CMTR2: variants seen among roughly 807,000 people sequenced by gnomAD.
The protein encoded by CMTR2 is cap-specific mRNA (nucleoside-2'-O-)-methyltransferase 2.
In CMTR2, 40 loss-of-function variants were observed where a neutral mutation model predicts 49.8. The observed-to-expected ratio is 0.80, with a 90% CI of 0.62 to 1.04. The LOEUF is 1.04. CMTR2 is among the 50% of genes least tolerant of loss of function. The probability of loss-of-function intolerance (pLI) is 0.00; values close to 1 mark genes in which losing one functional copy is unlikely to be tolerated. For synonymous variants in CMTR2, 326 were observed against 315.8 expected (o/e 1.03, Z -0.34); for missense variants, 907 against 897.2 (o/e 1.01, Z -0.14).
rs2041620230 is a variant in CMTR2 at position 71,282,015 on chromosome 16, T to C, written c.*1593A>G. 1 of 151,596 alleles carries C rather than the reference T, an allele frequency of 6.6e-6. No individual in the cohort carries two copies. 9.4% of individuals were successfully genotyped at this position (151,596 alleles called of 1,614,324 possible). A position where few individuals can be genotyped will look rare whatever the true frequency, so the allele number is the denominator to read the frequency against. On this transcript the variant is annotated 3_prime_UTR_variant, in exon 3 of 3. Transcript: ENST00000434935. ...TGTCAGACTTCCATCGTCATACAACTGGAATTGCTTCCATAGAGTCACCAG... is the reference window on the plus strand; with the variant it reads ...TGTCAGACTTCCATCGTCATACAACCGGAATTGCTTCCATAGAGTCACCAG...
rs1267084588 is a variant in CMTR2, at chr16:71,285,843, A to C, written c.78T>G (p.Ile26Met). The C allele has an allele frequency of 6.2e-7, 1 of 1,613,978 alleles. No individual in the cohort carries two copies. Among genetic ancestry groups the C allele is most frequent in the Middle Eastern group, 1.7e-4 (1 of 6,060 alleles). The change falls in exon 3 of 3, where the codon ATT (isoleucine) becomes ATG (methionine). Residue 26 changes from isoleucine (I) to methionine (M), a missense_variant. Transcript: ENST00000434935. ...ASFSPDILADIFELFAKNFSY... is the reference protein window; with the variant it reads ...ASFSPDILADMFELFAKNFSY... ...AAAAGTTCTTGGCAAAGAGTTCAAAAATGTCAGCAAGAATATCTGGGCTGA... is the reference window on the plus strand; with the variant it reads ...AAAAGTTCTTGGCAAAGAGTTCAAACATGTCAGCAAGAATATCTGGGCTGA...
chr16:71,285,090 A>T lies in CMTR2; in HGVS notation c.831T>A (p.Phe277Leu), dbSNP rs775909576. 48 of 1,613,902 alleles carry T rather than the reference A, an allele frequency of 3.0e-5. No individual in the cohort carries two copies. The highest frequency in any genetic ancestry group is 3.8e-5 in the Non-Finnish European group (45 of 1,179,858). ...GNGGSFVLKM[F>L]TMFEHCSINL... ...TTATGGAACAATGTTCAAACATAGT[A>T]AACATCTTTAGAACAAAAGAGCCAC... The change falls in exon 3 of 3, where the codon TTT becomes TTA. Residue 277 changes from phenylalanine (F) to leucine (L), a missense_variant. Transcript: ENST00000434935.
Position 71,282,418 on chromosome 16 carries a change from C to T in CMTR2, c.*1190G>A, listed in dbSNP as rs2041625607. On this transcript the variant is annotated 3_prime_UTR_variant, in exon 3 of 3. Coordinates refer to ENST00000434935, the MANE Select transcript of CMTR2 (RefSeq NM_018348.6). ...GCATCAGAAAATACATCTATTTTCACATATCAAAAGTGCCTAAAATGCATG... is the reference window on the plus strand; with the variant it reads ...GCATCAGAAAATACATCTATTTTCATATATCAAAAGTGCCTAAAATGCATG... 6.6e-6 allele frequency: 1 copy of T among 151,986 alleles called. No individual in the cohort carries two copies. Among genetic ancestry groups the T allele is most frequent in the Admixed American group, 6.6e-5 (1 of 15,264 alleles). 9.4% of individuals were successfully genotyped at this position (151,986 alleles called of 1,614,324 possible).
chr16:71,284,258 T>A lies in CMTR2; in HGVS notation c.1663A>T (p.Ile555Leu), dbSNP rs1467627384. ...GTAAGGCTACACAACTCGGAAAATA[T>A]CAGTTCTTCAGAAAAAACATGACAA... ...CSCHVFSEELIFSELCSLTEC... is the reference protein window; with the variant it reads ...CSCHVFSEELLFSELCSLTEC... Residue 555 changes from isoleucine to leucine, a missense_variant, in exon 3 of 3, where the codon ATA becomes TTA. By Grantham distance (5) the Ile-to-Leu change is conservative (BLOSUM62 2). Transcript: ENST00000434935. 6.8e-6 allele frequency: 11 copies of A among 1,613,930 alleles called. No homozygotes were observed. Among genetic ancestry groups the A allele is most frequent in the Non-Finnish European group, 8.5e-6 (10 of 1,179,974 alleles).
chr16:71,284,039 C>T lies in CMTR2; in HGVS notation c.1882G>A (p.Asp628Asn), dbSNP rs1476789627. Residue 628 changes from aspartate (D) to asparagine (N), a missense_variant, in exon 3 of 3, where the codon GAC becomes AAC. By Grantham distance (23) the Asp-to-Asn change is conservative. Transcript: ENST00000434935. ...GDPTYQRLFL[D>N]CLLHSLRELH... is the part of the protein sequence containing the mutation. Reference sequence around the variant, plus strand: ...TCCCGCAATGAATGTAGAAGGCAGTCCAAAAATAAACGCTGGTAAGTTGGA... The same window carrying T: ...TCCCGCAATGAATGTAGAAGGCAGTTCAAAAATAAACGCTGGTAAGTTGGA... 6 of 1,613,952 alleles carry T rather than the reference C, an allele frequency of 3.7e-6. No homozygotes were observed. Among genetic ancestry groups the T allele is most frequent in the Non-Finnish European group, 5.1e-6 (6 of 1,179,894 alleles).
chr16:71,284,788 T>C lies in CMTR2; in HGVS notation c.1133A>G (p.Asn378Ser). 1 of 1,613,840 alleles carries C rather than the reference T, an allele frequency of 6.2e-7. No individual in the cohort carries two copies. Residue 378 changes from asparagine (N) to serine (S), a missense_variant, in exon 3 of 3, where the codon AAC (asparagine) becomes AGC (serine). By Grantham distance (46) the Asn-to-Ser change is conservative. Transcript: ENST00000434935. ...HKYQLETISE[N>S]IRLFECMGKA... ...TCCCATGCACTCAAATAGACGAATG[T>C]TTTCAGAAATAGTCTCTAGCTGATA...
At chr16:71,287,513 C>T (rs1156236895) in intron 2 of CMTR2, 2 of 152,168 alleles carry the variant, frequency 1.3e-5, no homozygotes, top group Admixed American at 6.5e-5. Context: ...TCCCTGCAGC[C>T]TTGACCTCTT....
rs1220949607 is a variant in CMTR2 at position 71,284,417 on chromosome 16, G to A, written c.1504C>T (p.Leu502=). Residue 502 remains leucine, a synonymous_variant, in exon 3 of 3, where the codon CTG becomes TTG. Coordinates refer to ENST00000434935, the MANE Select transcript of CMTR2 (RefSeq NM_018348.6). ...HLWHILEGKK[L]PKVKCSPFCN... Reference sequence around the variant, plus strand: ...AAAGGAGAACATTTTACCTTTGGCAGTTTCTTTCCCTCCAAAATATGCCAT... The same window carrying A: ...AAAGGAGAACATTTTACCTTTGGCAATTTCTTTCCCTCCAAAATATGCCAT... 1 of 1,613,788 alleles carries A rather than the reference G, an allele frequency of 6.2e-7. No individual in the cohort carries two copies. Among genetic ancestry groups the A allele is most frequent in the South Asian group, 1.1e-5 (1 of 91,054 alleles).
chr16:71,282,235 T>C lies in CMTR2; in HGVS notation c.*1373A>G, dbSNP rs1297930367. On this transcript the variant is annotated 3_prime_UTR_variant, in exon 3 of 3. Coordinates refer to ENST00000434935, the MANE Select transcript of CMTR2 (RefSeq NM_018348.6). ...TATCATTCAAAACTCCCTTTAAAAA[T>C]GTCTGTTTCCAACTTATATTTTTAA... 1 of 152,062 alleles carries C rather than the reference T, an allele frequency of 6.6e-6. No homozygotes were observed. Among genetic ancestry groups the C allele is most frequent in the Non-Finnish European group, 1.5e-5 (1 of 67,942 alleles). 9.4% of individuals were successfully genotyped at this position (152,062 alleles called of 1,614,324 possible).
chr16:71,284,638 C>A lies in CMTR2; in HGVS notation c.1283G>T (p.Ser428Ile). Residue 428 changes from serine (S) to isoleucine (I), a missense_variant, in exon 3 of 3, where the codon AGT becomes ATT. By Grantham distance (142) the Ser-to-Ile change is moderately radical. Transcript: ENST00000434935. The stretch of plus-strand genomic sequence containing the variant: ...CTGCCCAAACCATTTTGTATTTGTA[C>A]TACAACCAATACTAGATTTTTTTAC... ...WLVKKSSIGC[S>I]TNTKWFGQRN... The A allele has an allele frequency of 2.5e-6, 4 of 1,612,664 alleles. No homozygotes were observed. Among genetic ancestry groups the A allele is most frequent in the Non-Finnish European group, 3.4e-6 (4 of 1,179,462 alleles).
chr16:71,283,559 C>T lies in CMTR2; in HGVS notation c.*49G>A. On this transcript the variant is annotated 3_prime_UTR_variant, in exon 3 of 3. Transcript: ENST00000434935. Reference sequence around the variant, plus strand: ...TTAATAGAGCAACAGGATGCAAATACTGGGCAAATTATAAGAAATCATAAA... The same window carrying T: ...TTAATAGAGCAACAGGATGCAAATATTGGGCAAATTATAAGAAATCATAAA... 1.3e-6 allele frequency: 2 copies of T among 1,546,896 alleles called. No homozygotes were observed. The highest frequency in any genetic ancestry group is 1.7e-6 in the Non-Finnish European group (2 of 1,151,548).
chr16:71,286,970 A>G (rs920882138), intron 2 of CMTR2: 1 of 152,198 alleles, frequency 6.6e-6, no homozygotes, highest in Admixed American at 6.5e-5. Flanking sequence ...AGGAAAAAGG[A>G]TATGAGAAGT....
chr16:71,285,391 T>C lies in CMTR2; in HGVS notation c.530A>G (p.Tyr177Cys), dbSNP rs1367811760. 1 of 1,614,116 alleles carries C rather than the reference T, an allele frequency of 6.2e-7. No homozygotes were observed. The highest frequency in any genetic ancestry group is 1.1e-5 in the South Asian group (1 of 91,078). Residue 177 changes from tyrosine (Y) to cysteine (C), a missense_variant, in exon 3 of 3, where the codon TAC becomes TGC. Transcript: ENST00000434935. The part of the protein sequence containing the change: ...WSWVANTLNP[Y>C]HEANDDLMMI... ...CATGAGGTCGTCATTTGCTTCATGG[T>C]ATGGATTCAGAGTATTCGCTACCCA...
Position 71,285,908 on chromosome 16 carries a change from T to G in CMTR2, c.13A>C (p.Arg5=). 1 of 1,563,412 alleles carries G rather than the reference T, an allele frequency of 6.4e-7. No homozygotes were observed. The highest frequency in any genetic ancestry group is 8.6e-7 in the Non-Finnish European group (1 of 1,157,920). MSKC[R]KTPVQQLASP... ...GCTAGCTGCTGAACTGGTGTCTTTC[T>G]GCACTTACTCATTTTCAAATCAAAT... Residue 5 remains arginine, a synonymous_variant, in exon 3 of 3, where the codon AGA becomes CGA. Transcript: ENST00000434935.
At position 71,284,644 on chromosome 16, in the gene CMTR2, C is replaced by G; in HGVS notation, c.1277G>C (p.Gly426Ala). 6.2e-7 allele frequency: 1 copy of G among 1,612,708 alleles called. No homozygotes were observed. Among genetic ancestry groups the G allele is most frequent in the Non-Finnish European group, 8.5e-7 (1 of 1,179,542 alleles). The stretch of plus-strand genomic sequence containing the variant: ...AAACCATTTTGTATTTGTACTACAA[C>G]CAATACTAGATTTTTTTACTAGCCA... ...NNWLVKKSSI[G>A]CSTNTKWFGQ... The change falls in exon 3 of 3, where the codon GGT (glycine) becomes GCT (alanine). Residue 426 changes from glycine to alanine, a missense_variant. By Grantham distance (60) the Gly-to-Ala change is moderately conservative (BLOSUM62 0). Transcript: ENST00000434935.
rs145097675 is a variant in CMTR2, at chr16:71,285,409, G to A, written c.512C>T (p.Ala171Val). The A allele has an allele frequency of 3.7e-6, 6 of 1,614,052 alleles. No individual in the cohort carries two copies. In the East Asian group the frequency reaches 6.7e-5, roughly 18 times the overall value. Residue 171 changes from alanine to valine, a missense_variant, in exon 3 of 3, where the codon GCG becomes GTG. Ala to Val is a moderately conservative substitution (Grantham distance 64). Coordinates refer to ENST00000434935, the MANE Select transcript of CMTR2 (RefSeq NM_018348.6). ...HRFPCHWSWV[A>V]NTLNPYHEAN... is the part of the protein sequence containing the mutation. ...TTCATGGTATGGATTCAGAGTATTC[G>A]CTACCCAACTCCAATGACAAGGAAA...
intron 2 of CMTR2, chr16:71,287,774 A>G (rs1388087106): frequency 6.6e-6 from 1 of 152,166 alleles, no homozygotes; most frequent in Non-Finnish European, 1.5e-5. Flanking sequence ...ATATTTAGAC[A>G]AATTTCTAAA....
At chr16:71,285,997 T>C (rs9928675) in intron 2 of CMTR2, 58 bp from the exon 3 acceptor site, 336,223 of 1,300,640 alleles carry the variant, frequency 0.26, 45,496 homozygotes, top group Admixed American at 0.5. Context: ...CGAAATCTCA[T>C]GAGCAGCAAA....
chr16:71,284,388 G>T lies in CMTR2; in HGVS notation c.1533C>A (p.Cys511Ter). The T allele has an allele frequency of 6.2e-7, 1 of 1,613,158 alleles. No homozygotes were observed. ...KLPKVKCSPFCNGEILKTLNE... is the reference protein window; with the variant it reads ...KLPKVKCSPF ...TAAGAGTTTTTAAAATTTCACCATT[G>T]CAAAAAGGAGAACATTTTACCTTTG... Residue 511 changes from cysteine to a stop codon, truncating the protein, a stop_gained, in exon 3 of 3, where the codon TGC becomes TGA. Coordinates refer to ENST00000434935, the MANE Select transcript of CMTR2 (RefSeq NM_018348.6). LOFTEE classifies it high-confidence loss of function.
Sources: allele counts gnomAD v4.1 joint callset, GRCh38; gene constraint gnomAD v4.1.1; transcripts MANE v1.5; gene names NCBI Gene and HGNC (gene_info 2026-07-23, HGNC 2026-07-21).